Variants in XRCC5 observed in about 807,000 individuals in gnomAD.
XRCC5 encodes X-ray repair cross complementing 5.
A neutral mutation model predicts 95.7 loss-of-function variants in XRCC5; 12 were observed. That is an observed-to-expected ratio of 0.13 (90% confidence interval 0.08 to 0.20). XRCC5 has a LOEUF of 0.20. Ranked by LOEUF, XRCC5 falls within the 10% of genes least tolerant of loss-of-function variation. XRCC5 has a pLI of 1.00. For synonymous variants in XRCC5, 281 were observed against 290.3 expected (o/e 0.97, Z 0.33); for missense variants, 595 against 873.9 (o/e 0.68, Z 4.02).
chr2:216,136,356 CA>C lies in XRCC5; in HGVS notation c.1114-717del, dbSNP rs767749732. Among the ~76,000 whole-genome samples, 28 of 34,132 alleles carry C rather than the reference CA, an allele frequency of 8.2e-4. 1 individual carries two copies. The highest frequency in any genetic ancestry group is 1.0e-3 in the Non-Finnish European group (19 of 18,114). The allele number at this position is 34,132 out of a possible 152,430, so 22.4% of individuals were successfully genotyped here. The stretch of plus-strand genomic sequence containing the variant: ...GGGCAACAAGAGCGAAACTGTGTCT[CA>C]AAAAAAAAAAAAAAGAAATAAAAGA... On this transcript the variant is annotated intron_variant, in intron 10 of 20. Coordinates refer to ENST00000392132, the MANE Select transcript of XRCC5 (RefSeq NM_021141.4).
chr2:216,123,754 C>T (rs1184941558), intron 6 of XRCC5, among the ~76,000 whole-genome samples: 1 of 152,154 alleles, frequency 6.6e-6, no homozygotes, highest in Non-Finnish European at 1.5e-5. Flanking sequence ...TGCAATGAGC[C>T]AAGATCATGC....
intron 9 of XRCC5, 120 bp downstream of exon 9, chr2:216,131,107 A>T: frequency 7.1e-7 from 1 of 1,412,608 alleles, no homozygotes. Flanking sequence ...TCTAAAATGT[A>T]GTCTGGGGGT....
At chr2:216,117,045 A>G in intron 3 of XRCC5, 1 of 602,790 alleles carries the variant, frequency 1.7e-6, no homozygotes, top group Non-Finnish European at 2.9e-6. Flanking sequence ...CCCTCCACTC[A>G]CTTCCCTGTT....
At chr2:216,181,397 CA>C (rs1201592434) in intron 16 of XRCC5, among the ~76,000 whole-genome samples, 1 of 152,168 alleles carries the variant, frequency 6.6e-6, no homozygotes, top group African/African-American at 2.4e-5. Flanking sequence ...GTCCCCCATT[CA>C]AGGCTTGCCA....
At chr2:216,188,261 T>A (rs1318174684) in intron 16 of XRCC5, among the ~76,000 whole-genome samples, 1 of 152,238 alleles carries the variant, frequency 6.6e-6, no homozygotes, top group Non-Finnish European at 1.5e-5. Flanking sequence ...AAAGATTTTT[T>A]AAAAATTCAA....
chr2:216,182,216 T>TAA (rs1420697797), intron 16 of XRCC5, among the ~76,000 whole-genome samples: 1 of 152,194 alleles, frequency 6.6e-6, no homozygotes, highest in Non-Finnish European at 1.5e-5. Context: ...TTTCAACTGA[T>TAA]ACCTGCGTTT....
At chr2:216,137,773 G>T (rs1386005665) in intron 11 of XRCC5, among the ~76,000 whole-genome samples, 1 of 152,234 alleles carries the variant, frequency 6.6e-6, no homozygotes, top group Non-Finnish European at 1.5e-5. Flanking sequence ...ACTGGAAAGA[G>T]AAGGCACATA....
chr2:216,117,820 G>A lies in XRCC5; in HGVS notation c.368+26G>A, dbSNP rs1419947964. The A allele has an allele frequency of 2.5e-6, 4 of 1,613,502 alleles. No individual in the cohort carries two copies. The Admixed American group carries it at 6.7e-5, about 27-fold the overall frequency. On this transcript the variant is annotated intron_variant, in intron 4 of 20. Coordinates refer to ENST00000392132, the MANE Select transcript of XRCC5 (RefSeq NM_021141.4). ...GTAAGTGTTCCAAGGAAGAGAGCTG[G>A]AAGAGAATCTTTTTGCAAAAATTGT...
intron 2 of XRCC5, among the ~76,000 whole-genome samples, chr2:216,115,239 G>A (rs1036545619): frequency 6.6e-6 from 1 of 152,122 alleles, no homozygotes; most frequent in Admixed American, 6.5e-5. Context: ...AGTTTCTCTG[G>A]ATAACTGCCG....
chr2:216,117,661 T>G, intron 3 of XRCC5, 85 bp from the exon 4 acceptor site: 2 of 1,422,804 alleles, frequency 1.4e-6, no homozygotes, highest in Non-Finnish European at 2.0e-6. Context: ...GTCCACAATT[T>G]CCAGCACGGT....
intron 16 of XRCC5, among the ~76,000 whole-genome samples, chr2:216,188,729 G>A (rs531912601): frequency 1.3e-5 from 2 of 152,250 alleles, no homozygotes; most frequent in African/African-American, 4.8e-5. Flanking sequence ...AGCTTTTGTT[G>A]ATGGTTTTCT....
chr2:216,173,702 A>G (rs1689215259), intron 16 of XRCC5, among the ~76,000 whole-genome samples: 1 of 152,228 alleles, frequency 6.6e-6, no homozygotes, highest in Non-Finnish European at 1.5e-5. Context: ...TAATTAGGTC[A>G]TGGAGGCATC....
intron 19 of XRCC5, among the ~76,000 whole-genome samples, chr2:216,202,510 T>G: frequency 6.6e-6 from 1 of 152,218 alleles, no homozygotes; most frequent in East Asian, 1.9e-4. Flanking sequence ...ATATCTTTAT[T>G]CATAATCACC....
chr2:216,190,519 A>G (rs1163921680), intron 17 of XRCC5, among the ~76,000 whole-genome samples, 185 bp downstream of exon 17: 1 of 152,212 alleles, frequency 6.6e-6, no homozygotes, highest in Non-Finnish European at 1.5e-5. Flanking sequence ...CATTTCTGAG[A>G]TGGGATAAAG....
At chr2:216,189,986 C>G (rs1324900411) in intron 16 of XRCC5, among the ~76,000 whole-genome samples, 5 of 152,210 alleles carry the variant, frequency 3.3e-5, no homozygotes, top group Admixed American at 6.5e-5. Context: ...CTATAATTCT[C>G]AGCATTTTAG....
At chr2:216,117,664 A>G in intron 3 of XRCC5, 82 bp from the exon 4 acceptor site, 1 of 1,443,672 alleles carries the variant, frequency 6.9e-7, no homozygotes, top group Non-Finnish European at 9.7e-7. Flanking sequence ...CACAATTTCC[A>G]GCACGGTGGA....
chr2:216,137,534 TAATC>T (rs547422788), intron 11 of XRCC5, among the ~76,000 whole-genome samples: 2 of 152,232 alleles, frequency 1.3e-5, no homozygotes, highest in African/African-American at 2.4e-5. Flanking sequence ...ATTAAAAGAA[TAATC>T]AATAAAGGTT....
At chr2:216,167,248 A>G (rs548765201) in intron 16 of XRCC5, among the ~76,000 whole-genome samples, 3 of 152,248 alleles carry the variant, frequency 2.0e-5, no homozygotes, top group East Asian at 1.9e-4. Context: ...GTCTCATCCT[A>G]GAGTCTTTTT....
intron 16 of XRCC5, among the ~76,000 whole-genome samples, chr2:216,173,378 T>C (rs1211881228): frequency 6.6e-6 from 1 of 152,180 alleles, no homozygotes; most frequent in Admixed American, 6.5e-5. Context: ...CTTTGTCAGC[T>C]TGAGAAAGTT....
Sources: allele counts gnomAD v4.1 joint callset (sites outside exome capture counted in the v4.1 genomes callset), GRCh38; gene constraint gnomAD v4.1.1; transcripts MANE v1.5; gene names NCBI Gene and HGNC (gene_info 2026-07-23, HGNC 2026-07-21).